The following HDGFL3 variants were observed in gnomAD, a reference collection of about 807,000 sequenced individuals.
HDGFL3 encodes hepatoma-derived growth factor-related protein 3.
In HDGFL3, 6 loss-of-function variants were observed where a neutral mutation model predicts 27.6. The ratio of observed to expected loss-of-function variants is 0.22; its 90% confidence interval spans 0.12 to 0.43. The LOEUF (loss-of-function observed/expected upper bound fraction) is 0.43, where lower values mean the gene tolerates loss of function less well. Among genes scored for constraint, HDGFL3 ranks in the 20% least tolerant of loss-of-function variants. The pLI is 1.00. For synonymous variants in HDGFL3, 88 were observed against 88.9 expected (o/e 0.99, Z 0.05); for missense variants, 207 against 250.1 (o/e 0.83, Z 1.16).
chr15:83,127,281 TTTAC>T, downstream of HDGFL3: 6 of 1,421,156 alleles, frequency 4.2e-6, no homozygotes, highest in Non-Finnish European at 4.7e-6. Flanking sequence ...GATGAAAATG[TTTAC>T]TTTTTTGTAC....
chr15:83,127,332 T>C, downstream of HDGFL3: 1 of 1,551,374 alleles, frequency 6.4e-7, no homozygotes, highest in Non-Finnish European at 8.7e-7. Context: ...AATTTGCTGA[T>C]GATGTTATTT....
At chr15:83,127,055 A>T (rs12439903), downstream of HDGFL3, among the ~76,000 whole-genome samples, 1 of 151,932 alleles carries the variant, frequency 6.6e-6, no homozygotes, top group Admixed American at 6.6e-5. Flanking sequence ...CTAGCCGGGC[A>T]TGGTGGCACA....
downstream of HDGFL3, chr15:83,127,449 C>T: frequency 6.2e-7 from 1 of 1,613,828 alleles, no homozygotes; most frequent in Non-Finnish European, 8.5e-7. Flanking sequence ...CCTGACATCA[C>T]ATTGATACAT....
At chr15:83,116,564 T>C (rs1160243555) in intron 3 of HDGFL3, among the ~76,000 whole-genome samples, 1 of 152,194 alleles carries the variant, frequency 6.6e-6, no homozygotes, top group East Asian at 1.9e-4. Flanking sequence ...ATGTACGCTG[T>C]GGGAGTTTGG....
intron 1 of HDGFL3, among the ~76,000 whole-genome samples, chr15:83,198,029 G>A (rs1374945213): frequency 8.8e-6 from 1 of 113,540 alleles, no homozygotes; most frequent in Non-Finnish European, 1.6e-5. Flanking sequence ...ACTCCAGCCT[G>A]GGGTGACAGA....
At chr15:83,126,677 T>C, downstream of HDGFL3, 1 of 1,145,488 alleles carries the variant, frequency 8.7e-7, no homozygotes, top group African/African-American at 1.6e-5. Flanking sequence ...TGACTAAACC[T>C]GGCACATTTA....
rs2036959820 is a variant in HDGFL3, at chr15:83,151,233, C to T, written c.588G>A (p.Leu196=). ...TCCTTACCCCTTCACTGGTTTTCTG[C>T]AAGTCTGAAGTTGTGTTTCTTGTGT... ...GNDTRNTTSD[L]QKTSEGT is the part of the protein sequence containing the mutation. The change falls in exon 5 of 6, where the codon TTG becomes TTA. Residue 196 remains leucine (L), a synonymous_variant. Transcript: ENST00000299633. 5 of 1,612,442 alleles carry T rather than the reference C, an allele frequency of 3.1e-6. No homozygotes were observed. The highest frequency in any genetic ancestry group is 4.2e-6 in the Non-Finnish European group (5 of 1,179,694).
intron 1 of HDGFL3, chr15:83,184,712 AG>A (rs2037419137): frequency 6.6e-6 from 1 of 152,194 alleles, no homozygotes; most frequent in African/African-American, 2.4e-5. Context: ...CAATAACTTC[AG>A]GAAACTACCC....
intron 1 of HDGFL3, among the ~76,000 whole-genome samples, chr15:83,199,756 T>C (rs78407559): frequency 0.021 from 3,130 of 152,122 alleles, 107 homozygotes; most frequent in African/African-American, 0.071. Flanking sequence ...AAATGGCCTA[T>C]CACAAGCCAG....
In HDGFL3 at chr15:83,134,555, T is replaced by C. The variant is rs182478006; in HGVS notation, c.*4715A>G. On this transcript the variant is annotated 3_prime_UTR_variant, in exon 6 of 6. Transcript: ENST00000299633. ...ACTTAATGTTGCCATGAGTTTGCTG[T>C]TCATGAAAGTGAGGTATTAACTGCA... is the stretch of plus-strand genomic sequence containing the variant. 6.6e-6 allele frequency: 1 copy of C among 152,334 alleles called. No homozygotes were observed. The highest frequency in any genetic ancestry group is 2.4e-5 in the African/African-American group (1 of 41,552). The allele number at this position is 152,334 out of a possible 1,614,324, so 9.4% of individuals were successfully genotyped here. A position where few individuals can be genotyped will look rare whatever the true frequency, so the allele number is the denominator to read the frequency against.
At position 83,136,736 on chromosome 15, in the gene HDGFL3, T is replaced by C; in HGVS notation, c.*2534A>G. The stretch of plus-strand genomic sequence containing the variant: ...TTTTGTTATACTGGTACTGATATTT[T>C]GTCCCATTTCACTCTCTTCTCATAC... On this transcript the variant is annotated 3_prime_UTR_variant, in exon 6 of 6. Transcript: ENST00000299633. 3.6e-6 allele frequency: 5 copies of C among 1,404,348 alleles called. No homozygotes were observed. The highest frequency in any genetic ancestry group is 4.9e-6 in the Non-Finnish European group (5 of 1,026,714). The allele number at this position is 1,404,348 out of a possible 1,614,324, so 87.0% of individuals were successfully genotyped here.
At chr15:83,142,129 A>G (rs1424339547) in intron 5 of HDGFL3, among the ~76,000 whole-genome samples, 4 of 152,196 alleles carry the variant, frequency 2.6e-5, no homozygotes, top group Non-Finnish European at 5.9e-5. Flanking sequence ...TCAAAGAGCT[A>G]AAAATAGAAC....
chr15:83,126,641 G>A (rs773028129), downstream of HDGFL3: 204 of 813,020 alleles, frequency 2.5e-4, no homozygotes, highest in Non-Finnish European at 3.4e-4. Context: ...CAATGCATAC[G>A]TTTTGTTAAA....
intron 2 of HDGFL3, among the ~76,000 whole-genome samples, chr15:83,163,454 C>A (rs2151405247): frequency 6.6e-6 from 1 of 152,290 alleles, no homozygotes; most frequent in East Asian, 1.9e-4. Context: ...CTGCCTACCT[C>A]TGAATTATTT....
chr15:83,162,226 G>A (rs1227248402), intron 2 of HDGFL3, among the ~76,000 whole-genome samples: 1 of 152,180 alleles, frequency 6.6e-6, no homozygotes, highest in African/African-American at 2.4e-5. Context: ...TGCCTTCAGA[G>A]AGGGTGAACA....
At chr15:83,187,640 G>A (rs11857878) in intron 1 of HDGFL3, among the ~76,000 whole-genome samples, 6,979 of 152,236 alleles carry the variant, frequency 0.046, 441 homozygotes, top group African/African-American at 0.14. Context: ...TGTAATCCCA[G>A]CACTTTGGGA....
At position 83,128,526 on chromosome 15, in the gene HDGFL3, T is replaced by C. The variant is rs1471340452; in HGVS notation, c.*10744A>G. The C allele has an allele frequency of 6.6e-6, 1 of 152,220 alleles. No homozygotes were observed. The highest frequency in any genetic ancestry group is 6.5e-5 in the Admixed American group (1 of 15,282). 9.4% of individuals were successfully genotyped at this position (152,220 alleles called of 1,614,324 possible). On this transcript the variant is annotated 3_prime_UTR_variant, in exon 6 of 6. Coordinates refer to ENST00000299633, the MANE Select transcript of HDGFL3 (RefSeq NM_016073.4). Reference sequence around the variant, plus strand: ...CCTCAGTCCTTGGGGTTTATTTCTGTATTTTAGGTCTTTATCTTTGTATCT... The same window carrying C: ...CCTCAGTCCTTGGGGTTTATTTCTGCATTTTAGGTCTTTATCTTTGTATCT...
chr15:83,202,703 G>C (rs2037663313), intron 1 of HDGFL3, among the ~76,000 whole-genome samples: 1 of 152,066 alleles, frequency 6.6e-6, no homozygotes, highest in South Asian at 2.1e-4. Flanking sequence ...TAAATGTACA[G>C]CTTGATACAT....
downstream of HDGFL3, chr15:83,126,798 A>C: frequency 6.2e-7 from 1 of 1,614,074 alleles, no homozygotes. Flanking sequence ...TTATATACGC[A>C]ATTTCAAGAG....
Sources: allele counts gnomAD v4.1 joint callset (sites outside exome capture counted in the v4.1 genomes callset), GRCh38; gene constraint gnomAD v4.1.1; transcripts MANE v1.5; gene names NCBI Gene and HGNC (gene_info 2026-07-23, HGNC 2026-07-21).